Variants in ANAPC10 observed in about 807,000 individuals in gnomAD.
ANAPC10 encodes the protein anaphase promoting complex subunit 10, also known as anaphase-promoting complex subunit 10.
A neutral mutation model predicts 22.0 loss-of-function variants in ANAPC10; 12 were observed. The observed-to-expected ratio is 0.55, with a 90% confidence interval of 0.35 to 0.88. The LOEUF (loss-of-function observed/expected upper bound fraction) is 0.88, where lower values mean the gene tolerates loss of function less well. Among genes scored for constraint, ANAPC10 ranks in the 40% least tolerant of loss-of-function variants. The pLI is 0.01. For synonymous variants in ANAPC10, 65 were observed against 69.5 expected, an observed-to-expected ratio of 0.94 and a Z score of 0.32; for missense variants, 188 against 220.9, an observed-to-expected ratio of 0.85 and a Z score of 0.94.
At chr4:145,094,771 T>G (rs1201650894) in intron 2 of ANAPC10, among the ~76,000 whole-genome samples, 3 of 150,714 alleles carry the variant, frequency 2.0e-5, no homozygotes, top group Non-Finnish European at 3.0e-5. Context: ...AAACCTTAGA[T>G]GCTTCCAGAA....
At chr4:145,040,858 G>A (rs1739403862) in intron 4 of ANAPC10, among the ~76,000 whole-genome samples, 1 of 152,040 alleles carries the variant, frequency 6.6e-6, no homozygotes, top group Non-Finnish European at 1.5e-5. Context: ...ACTTTGAAGG[G>A]GACTGAGAAG....
intron 4 of ANAPC10, among the ~76,000 whole-genome samples, chr4:145,003,414 G>A (rs904947738): frequency 1.3e-5 from 2 of 152,120 alleles, no homozygotes; most frequent in Non-Finnish European, 2.9e-5. Context: ...ATTTGTGGGT[G>A]AAATGGTAAT....
At chr4:145,085,338 T>C (rs1746704918) in intron 2 of ANAPC10, among the ~76,000 whole-genome samples, 1 of 152,182 alleles carries the variant, frequency 6.6e-6, no homozygotes, top group Non-Finnish European at 1.5e-5. Context: ...TTCTTTTTAG[T>C]ACTAGTTTTT....
rs115708476 is a variant in ANAPC10, at chr4:145,020,418, A to C, written c.328-24815T>G. Among the ~76,000 whole-genome samples the C allele has an allele frequency of 3.9e-3, 601 of 152,172 alleles. 5 individuals carry two copies. The highest frequency in any genetic ancestry group is 0.011 in the African/African-American group (470 of 41,542). On this transcript the variant is annotated intron_variant, in intron 4 of 4. Transcript: ENST00000507656. ...ATTAAAACTCAGCAAAATCGGCATA[A>C]AGGAACATACCTCAATGTAATAAAA...
intron 4 of ANAPC10, among the ~76,000 whole-genome samples, chr4:145,046,116 T>C (rs939194814): frequency 6.6e-6 from 1 of 152,080 alleles, no homozygotes; most frequent in African/African-American, 2.4e-5. Context: ...TGCCTTCACA[T>C]TGGCTACAGT....
chr4:145,048,551 A>G (rs1257753643), intron 4 of ANAPC10, among the ~76,000 whole-genome samples: 1 of 152,084 alleles, frequency 6.6e-6, no homozygotes, highest in Admixed American at 6.6e-5. Context: ...TCGATTTTTA[A>G]CTATAGAAGC....
At chr4:145,047,548 T>C (rs557905916) in intron 4 of ANAPC10, among the ~76,000 whole-genome samples, 3 of 152,074 alleles carry the variant, frequency 2.0e-5, no homozygotes, top group Non-Finnish European at 4.4e-5. Flanking sequence ...CCTTAGACAA[T>C]TCCCTCTCAA....
intron 3 of ANAPC10, among the ~76,000 whole-genome samples, chr4:145,074,743 T>C (rs1579115093): frequency 6.6e-6 from 1 of 152,284 alleles, no homozygotes; most frequent in Admixed American, 6.5e-5. Flanking sequence ...GTTCAAAATT[T>C]TTCTGACAGG....
chr4:145,067,140 T>A (rs1318723685), intron 3 of ANAPC10, among the ~76,000 whole-genome samples: 2 of 152,212 alleles, frequency 1.3e-5, no homozygotes, highest in Non-Finnish European at 2.9e-5. Flanking sequence ...TAAAATCATT[T>A]ATCAATTTTA....
Position 144,994,770 on chromosome 4 carries a change from G to C in ANAPC10, c.*603C>G, listed in dbSNP as rs1560793183. ...CTTTACATAATATCATTAGGATACA[G>C]ACAACCCTAGGGCTGTAAGTATTCC... On this transcript the variant is annotated 3_prime_UTR_variant, in exon 5 of 5. Transcript: ENST00000507656. 6.6e-6 allele frequency: 1 copy of C among 152,052 alleles called. No individual in the cohort carries two copies. The allele number at this position is 152,052 out of a possible 1,614,324, so 9.4% of individuals were successfully genotyped here. A position where few individuals can be genotyped will look rare whatever the true frequency, so the allele number is the denominator to read the frequency against.
chr4:145,042,510 C>T (rs1579010961), intron 4 of ANAPC10, among the ~76,000 whole-genome samples: 2 of 152,096 alleles, frequency 1.3e-5, no homozygotes, highest in South Asian at 4.1e-4. Context: ...AAATTTCTCA[C>T]CTTCAATACT....
chr4:145,017,671 G>A (rs1025918130), intron 4 of ANAPC10, among the ~76,000 whole-genome samples: 56 of 152,066 alleles, frequency 3.7e-4, no homozygotes, highest in African/African-American at 1.2e-3. Context: ...ACATGCACAC[G>A]TATGTTTATT....
chr4:145,086,198 A>G (rs1191578599), intron 2 of ANAPC10, among the ~76,000 whole-genome samples: 1 of 152,158 alleles, frequency 6.6e-6, no homozygotes, highest in African/African-American at 2.4e-5. Context: ...CCTGACCTCA[A>G]GTGATCCACT....
At chr4:145,026,323 C>T (rs768255111) in intron 4 of ANAPC10, among the ~76,000 whole-genome samples, 2 of 152,034 alleles carry the variant, frequency 1.3e-5, no homozygotes, top group Non-Finnish European at 2.9e-5. Flanking sequence ...AAACCAAGAA[C>T]AACAACAAAA....
chr4:145,088,240 A>C (rs1560935407), intron 2 of ANAPC10, among the ~76,000 whole-genome samples: 1 of 151,870 alleles, frequency 6.6e-6, no homozygotes, highest in Non-Finnish European at 1.5e-5. Flanking sequence ...CCAAAGCTTT[A>C]TTCTTTTCTC....
At chr4:145,090,449 A>C (rs1747501354) in intron 2 of ANAPC10, among the ~76,000 whole-genome samples, 1 of 152,140 alleles carries the variant, frequency 6.6e-6, no homozygotes, top group South Asian at 2.1e-4. Context: ...TTCTTGCTTC[A>C]TCATACAGAA....
At chr4:145,048,087 G>A (rs752206743) in intron 4 of ANAPC10, among the ~76,000 whole-genome samples, 1 of 152,064 alleles carries the variant, frequency 6.6e-6, no homozygotes, top group Admixed American at 6.6e-5. Flanking sequence ...TGCTAGAGTC[G>A]AATCAATTTT....
At chr4:145,009,041 AATAAC>A (rs1042229911) in intron 4 of ANAPC10, among the ~76,000 whole-genome samples, 2 of 152,158 alleles carry the variant, frequency 1.3e-5, no homozygotes, top group African/African-American at 4.8e-5. Context: ...CCTATACACT[AATAAC>A]AGACAGAGAG....
At chr4:145,034,428 T>G (rs886294827) in intron 4 of ANAPC10, among the ~76,000 whole-genome samples, 1 of 151,520 alleles carries the variant, frequency 6.6e-6, no homozygotes, top group Non-Finnish European at 1.5e-5. Flanking sequence ...TTCTTTAGTT[T>G]TGGGACTCTG....
Sources: allele counts gnomAD v4.1 joint callset (sites outside exome capture counted in the v4.1 genomes callset), GRCh38; gene constraint gnomAD v4.1.1; transcripts MANE v1.5; gene names NCBI Gene and HGNC (gene_info 2026-07-23, HGNC 2026-07-21).